The following NLRP5 variants were observed in gnomAD, a reference collection of about 807,000 sequenced individuals.
NLRP5 encodes the protein NACHT, LRR and PYD domains-containing protein 5.
In NLRP5, 93 loss-of-function variants were observed where a neutral mutation model predicts 113.1. That is an observed-to-expected ratio of 0.82 (90% CI 0.70 to 0.98). The LOEUF (loss-of-function observed/expected upper bound fraction) is 0.98, where lower values mean the gene tolerates loss of function less well. Among genes scored for constraint, NLRP5 ranks in the 50% least tolerant of loss-of-function variants. NLRP5 has a pLI of 0.00. For missense variants in NLRP5, 1,808 were observed against 1,514.3 expected (o/e 1.19, Z -3.22); for synonymous variants, 751 against 600.7 (o/e 1.25, Z -3.66).
chr19:56,050,528 A>G lies in NLRP5; in HGVS notation c.3068A>G (p.Asn1023Ser), dbSNP rs144133135. Residue 1023 changes from asparagine to serine, a missense_variant, in exon 12 of 15, where the codon AAT (asparagine) becomes AGT (serine). Physicochemically the swap from Asn to Ser is conservative, Grantham distance 46. Transcript: ENST00000390649. ...CTTAGCATGAACCCTGTGGAAGACA[A>G]TGGCGTGAAGCTTCTGTGCGAGGTC... 1.1e-4 allele frequency: 178 copies of G among 1,613,956 alleles called. No individual in the cohort carries two copies. In the African/African-American group the frequency reaches 1.8e-3, roughly 16 times the overall value.
intron 13 of NLRP5, among the ~76,000 whole-genome samples, chr19:56,056,732 G>T (rs2123344383): frequency 6.6e-6 from 1 of 152,282 alleles, no homozygotes; most frequent in East Asian, 1.9e-4. Context: ...CTTTATAAAT[G>T]CTTAGATATT....
In NLRP5 at chr19:56,026,919, G is replaced by C; in HGVS notation, c.686G>C (p.Gly229Ala). 6.4e-7 allele frequency: 1 copy of C among 1,550,600 alleles called. No homozygotes were observed. The highest frequency in any genetic ancestry group is 8.7e-7 in the Non-Finnish European group (1 of 1,146,152). The change falls in exon 7 of 15, where the codon GGA (glycine) becomes GCA (alanine). Residue 229 changes from glycine to alanine, a missense_variant. Coordinates refer to ENST00000390649, the MANE Select transcript of NLRP5 (RefSeq NM_153447.4). ...CTACCCTCTCTGACTCCAGGACATG[G>C]AGGTGACACATGGGACTACAAGAGT... is the stretch of plus-strand genomic sequence containing the variant.
chr19:56,023,603 C>G (rs1168673766), intron 6 of NLRP5, among the ~76,000 whole-genome samples: 1 of 152,066 alleles, frequency 6.6e-6, no homozygotes, highest in Non-Finnish European at 1.5e-5. Flanking sequence ...ATGACTTAAC[C>G]TACGTGGGAA....
upstream of NLRP5, among the ~76,000 whole-genome samples, chr19:55,997,684 AC>A (rs1422882465): frequency 6.7e-6 from 1 of 150,038 alleles, no homozygotes; most frequent in African/African-American, 2.5e-5. Flanking sequence ...ATACCAAAAT[AC>A]CAAAAATTCT....
At chr19:56,007,916 T>TGCGTGCGCGCGTGC (rs1982003330) in intron 2 of NLRP5, among the ~76,000 whole-genome samples, 1 of 35,876 alleles carries the variant, frequency 2.8e-5, no homozygotes, top group African/African-American at 5.8e-5. Context: ...TGTGTGTGTG[T>TGCGTGCGCGCGTGC]GTGTGTGTGT....
At chr19:56,037,769 G>A (rs1359000560) in intron 9 of NLRP5, among the ~76,000 whole-genome samples, 1 of 151,798 alleles carries the variant, frequency 6.6e-6, no homozygotes, top group African/African-American at 2.4e-5. Context: ...AAGTGGGGTA[G>A]GCACCATTTA....
At chr19:56,024,748 A>G (rs1000452598) in intron 6 of NLRP5, among the ~76,000 whole-genome samples, 3 of 149,482 alleles carry the variant, frequency 2.0e-5, no homozygotes, top group Admixed American at 6.6e-5. Flanking sequence ...ACAGACTGCA[A>G]CTGTGTCTCA....
chr19:56,008,870 TGGG>T lies in NLRP5; in HGVS notation c.508+20_508+22del. 1 of 1,608,826 alleles carries T rather than the reference TGGG, an allele frequency of 6.2e-7. No homozygotes were observed. Among genetic ancestry groups the T allele is most frequent in the Non-Finnish European group, 8.5e-7 (1 of 1,177,034 alleles). ...AAGTGCCAGGTTAGAGGGGTGGAGT[TGGG>T]GGAAATAGGATGTGCTTAAAGACAC... On this transcript the variant is annotated intron_variant, in intron 3 of 14. Transcript: ENST00000390649.
chr19:56,020,528 T>C (rs1342637860), intron 6 of NLRP5, 97 bp downstream of exon 6: 17 of 1,369,794 alleles, frequency 1.2e-5, no homozygotes, highest in East Asian at 9.4e-5. Flanking sequence ...GTAGTTTAGA[T>C]TGCCTTTCTT....
chr19:56,023,458 C>T (rs768057922), intron 6 of NLRP5, among the ~76,000 whole-genome samples: 1 of 152,140 alleles, frequency 6.6e-6, no homozygotes, highest in Admixed American at 6.5e-5. Context: ...AACCATCGAT[C>T]AAAAATATTC....
intron 12 of NLRP5, among the ~76,000 whole-genome samples, chr19:56,051,800 C>T (rs79774290): frequency 2.0e-5 from 3 of 152,112 alleles, no homozygotes; most frequent in Non-Finnish European, 2.9e-5. Flanking sequence ...TCATTCCAAA[C>T]GCTTGTATGC....
At chr19:56,001,034 A>C (rs1472321145) in intron 1 of NLRP5, among the ~76,000 whole-genome samples, 1 of 151,836 alleles carries the variant, frequency 6.6e-6, no homozygotes, top group Non-Finnish European at 1.5e-5. Context: ...GAAAATATTC[A>C]AATTTGGCTG....
chr19:55,990,127 T>TG, the NLRP5 span, among the ~76,000 whole-genome samples: 1 of 128,526 alleles, frequency 7.8e-6, no homozygotes, highest in African/African-American at 3.0e-5. Context: ...TCTTACTCTA[T>TG]GCCCAGGCTG....
intron 3 of NLRP5, among the ~76,000 whole-genome samples, chr19:56,014,814 A>T (rs1982343838): frequency 6.6e-6 from 1 of 152,100 alleles, no homozygotes; most frequent in East Asian, 1.9e-4. Context: ...CTTAACTACT[A>T]TTGCTTTATA....
intron 4 of NLRP5, among the ~76,000 whole-genome samples, chr19:56,016,175 T>G (rs1383535036): frequency 6.6e-6 from 1 of 152,148 alleles, no homozygotes; most frequent in Non-Finnish European, 1.5e-5. Context: ...TATTTTGAGA[T>G]GGAGTTCTTT....
At chr19:56,040,588 A>AAAAT (rs1011910658) in intron 10 of NLRP5, among the ~76,000 whole-genome samples, 5 of 152,134 alleles carry the variant, frequency 3.3e-5, no homozygotes, top group African/African-American at 1.2e-4. Flanking sequence ...AATAAATAAG[A>AAAAT]AAATAAATAA....
chr19:56,057,993 A>C (rs1473705961), intron 13 of NLRP5, among the ~76,000 whole-genome samples: 2 of 148,210 alleles, frequency 1.3e-5, no homozygotes, highest in Non-Finnish European at 3.0e-5. Flanking sequence ...GTGCTACTGC[A>C]CTCCAGTCTG....
In NLRP5 at chr19:56,038,101, T is replaced by A; in HGVS notation, c.2692T>A (p.Ser898Thr). 1.2e-6 allele frequency: 2 copies of A among 1,613,886 alleles called. No homozygotes were observed. The highest frequency in any genetic ancestry group is 2.2e-5 in the East Asian group (1 of 44,870). Residue 898 changes from serine to threonine, a missense_variant, in exon 10 of 15, where the codon TCT becomes ACT. Transcript: ENST00000390649. ...CCTTACGACCTCCCCCAGCCTGAAA[T>A]CTCTGAGCCTGGCAGGAAACAAGGT...
chr19:56,001,340 C>CA (rs1032640874), intron 1 of NLRP5, among the ~76,000 whole-genome samples: 3 of 140,634 alleles, frequency 2.1e-5, no homozygotes, highest in Non-Finnish European at 4.6e-5. Flanking sequence ...AAAAAACAAA[C>CA]AAAAAACACC....
Sources: allele counts gnomAD v4.1 joint callset (sites outside exome capture counted in the v4.1 genomes callset), GRCh38; gene constraint gnomAD v4.1.1; transcripts MANE v1.5; gene names NCBI Gene and HGNC (gene_info 2026-07-23, HGNC 2026-07-21).